Variants in LRRC3C observed in about 807,000 individuals in gnomAD.
LRRC3C encodes leucine rich repeat containing 3C, also known as leucine-rich repeat-containing protein 3C.
In LRRC3C, 11 loss-of-function variants were observed where a neutral mutation model predicts 14.8. That is an observed-to-expected ratio of 0.74 (90% CI 0.47 to 1.23). The LOEUF is 1.23. LRRC3C is among the 50% of genes most tolerant of loss of function. LRRC3C has a pLI of 0.00. For synonymous variants in LRRC3C, 149 were observed against 161.5 expected (o/e 0.92, Z 0.59); for missense variants, 354 against 361.8 (o/e 0.98, Z 0.18).
chr17:39,930,581 G>C (rs972860953), intron 1 of LRRC3C, among the ~76,000 whole-genome samples: 1 of 150,526 alleles, frequency 6.6e-6, no homozygotes, highest in Non-Finnish European at 1.5e-5. Flanking sequence ...GGTGATGGGC[G>C]CCTGTAATCC....
chr17:39,942,672 C>T (rs992005134), intron 3 of LRRC3C, among the ~76,000 whole-genome samples: 95 of 152,260 alleles, frequency 6.2e-4, no homozygotes, highest in African/African-American at 1.9e-3. Context: ...CTGGGCACTG[C>T]GAGGAGCCAG....
intron 3 of LRRC3C, among the ~76,000 whole-genome samples, chr17:39,941,865 G>C (rs182516044): frequency 6.6e-6 from 1 of 152,168 alleles, no homozygotes; most frequent in East Asian, 1.9e-4. Flanking sequence ...GGGATCAACT[G>C]GCTGGTCCCT....
rs1429410054 is a variant in LRRC3C at position 39,941,522 on chromosome 17, C to T, written c.-2C>T. The stretch of plus-strand genomic sequence containing the variant: ...GAAAAATCCTTCTCAGAAAGGTCTC[C>T]AATGCGTATGACCTCATCTTCCTTC... On this transcript the variant is annotated 5_prime_UTR_variant, in exon 3 of 4. Transcript: ENST00000377924. 2 of 1,535,700 alleles carry T rather than the reference C, an allele frequency of 1.3e-6. No individual in the cohort carries two copies. The highest frequency in any genetic ancestry group is 2.4e-5 in the South Asian group (2 of 84,022).
intron 2 of LRRC3C, among the ~76,000 whole-genome samples, chr17:39,938,679 C>G (rs1002347476): frequency 6.6e-6 from 1 of 151,746 alleles, no homozygotes; most frequent in African/African-American, 2.4e-5. Context: ...CCGGGCAACA[C>G]AGTGAGACCC....
chr17:39,929,985 A>G (rs1978600920), intron 1 of LRRC3C, among the ~76,000 whole-genome samples: 1 of 152,138 alleles, frequency 6.6e-6, no homozygotes, highest in Non-Finnish European at 1.5e-5. Context: ...CAAACACCCA[A>G]TTCCCTTAAC....
chr17:39,934,744 T>C (rs1267435421), intron 1 of LRRC3C: 1 of 152,214 alleles, frequency 6.6e-6, no homozygotes, highest in African/African-American at 2.4e-5. Flanking sequence ...CAGTGCAAAG[T>C]AAAAGCAAGT....
chr17:39,935,744 G>A (rs1197203993), intron 1 of LRRC3C, 58 bp from the exon 2 acceptor site: 1 of 795,532 alleles, frequency 1.3e-6, no homozygotes, highest in Non-Finnish European at 1.5e-6. Flanking sequence ...AAATGAGACA[G>A]TATCTCCAAG....
intron 1 of LRRC3C, among the ~76,000 whole-genome samples, chr17:39,932,519 G>C (rs533949682): frequency 3.5e-5 from 5 of 142,808 alleles, no homozygotes; most frequent in Non-Finnish European, 7.7e-5. Context: ...GCCTGGCAAC[G>C]TAATGAGACC....
rs574956497 is a variant in LRRC3C, at chr17:39,944,480, C to G, written c.574C>G (p.Arg192Gly). 1 of 1,486,818 alleles carries G rather than the reference C, an allele frequency of 6.7e-7. No homozygotes were observed. The highest frequency in any genetic ancestry group is 8.9e-7 in the Non-Finnish European group (1 of 1,120,308). 92.1% of individuals were successfully genotyped at this position (1,486,818 alleles called of 1,614,324 possible). A position where few individuals can be genotyped will look rare whatever the true frequency, so the allele number is the denominator to read the frequency against. ...GTGIVCGSGA[R>G]PDLVGQEFLL... ...AGGCATCGTGTGTGGCTCAGGAGCC[C>G]GACCGGACCTCGTGGGGCAGGAGTT... The change falls in exon 4 of 4, where the codon CGA (arginine) becomes GGA (glycine). Residue 192 changes from arginine to glycine, a missense_variant. By Grantham distance (125) the Arg-to-Gly change is moderately radical. Transcript: ENST00000377924.
chr17:39,943,878 G>A (rs1381242239), intron 3 of LRRC3C, 55 bp from the exon 4 acceptor site: 4 of 1,508,808 alleles, frequency 2.7e-6, no homozygotes, highest in Non-Finnish European at 2.7e-6. Context: ...AGCTGGCAGT[G>A]GGGCATGCGA....
chr17:39,930,483 G>A (rs145604770), intron 1 of LRRC3C, among the ~76,000 whole-genome samples: 3,990 of 148,202 alleles, frequency 0.027, 75 homozygotes, highest in Non-Finnish European at 0.042. Flanking sequence ...CAAGGTAGGC[G>A]GATCACCTGA....
At chr17:39,930,038 C>A (rs775459195) in intron 1 of LRRC3C, among the ~76,000 whole-genome samples, 6 of 151,918 alleles carry the variant, frequency 3.9e-5, no homozygotes, top group Non-Finnish European at 8.8e-5. Context: ...GCCTGTAATC[C>A]CAGCACTTTG....
At chr17:39,937,265 G>A (rs769520601) in intron 2 of LRRC3C, among the ~76,000 whole-genome samples, 7 of 151,522 alleles carry the variant, frequency 4.6e-5, no homozygotes, top group Non-Finnish European at 8.8e-5. Flanking sequence ...GTGAAACCCC[G>A]TATCTACTGA....
intron 3 of LRRC3C, among the ~76,000 whole-genome samples, chr17:39,942,260 G>C (rs1978960258): frequency 6.6e-6 from 1 of 152,198 alleles, no homozygotes; most frequent in Admixed American, 6.5e-5. Context: ...GCAGTGTCAG[G>C]TGACATGCCC....
At chr17:39,931,339 G>C (rs180940211) in intron 1 of LRRC3C, among the ~76,000 whole-genome samples, 6 of 151,018 alleles carry the variant, frequency 4.0e-5, no homozygotes, top group Non-Finnish European at 7.4e-5. Flanking sequence ...CCAGCTACTC[G>C]GGAGGCTGAG....
At chr17:39,928,029 A>G in intron 1 of LRRC3C, 1 of 255,294 alleles carries the variant, frequency 3.9e-6, no homozygotes, top group African/African-American at 2.3e-5. Context: ...TGGCTCCTCC[A>G]GAAACAGACT....
At chr17:39,927,969 A>G (rs907251081) in intron 1 of LRRC3C, 155 bp downstream of exon 1, 6 of 722,800 alleles carry the variant, frequency 8.3e-6, no homozygotes, top group African/African-American at 1.9e-5. Context: ...TCTGACCCCA[A>G]CTGCAGGATT....
At chr17:39,933,408 C>T (rs969900629) in intron 1 of LRRC3C, among the ~76,000 whole-genome samples, 1 of 152,004 alleles carries the variant, frequency 6.6e-6, no homozygotes, top group African/African-American at 2.4e-5. Context: ...TGCTGCTGGC[C>T]GTGTTCAGAA....
chr17:39,929,630 C>A (rs888610420), intron 1 of LRRC3C, among the ~76,000 whole-genome samples: 5 of 152,100 alleles, frequency 3.3e-5, no homozygotes, highest in Non-Finnish European at 5.9e-5. Flanking sequence ...TCACTGTGTG[C>A]CAAGAAGCTG....
Sources: gnomAD v4.1 joint callset for allele counts (sites outside exome capture counted in the v4.1 genomes callset) on GRCh38, gnomAD v4.1.1 for gene constraint, MANE v1.5 for transcripts, NCBI Gene and HGNC (gene_info 2026-07-23, HGNC 2026-07-21) for gene names.